WNT9A: variants seen among roughly 807,000 people sequenced by gnomAD.
WNT9A encodes the protein protein Wnt-9a.
Under a neutral mutation model 31.4 loss-of-function variants are expected in WNT9A, and 8 were observed. The observed-to-expected ratio is 0.26, with a 90% confidence interval of 0.15 to 0.46. WNT9A has a LOEUF of 0.46. WNT9A is among the 20% of genes least tolerant of loss of function. The probability of loss-of-function intolerance (pLI) is 0.99; values close to 1 mark genes in which losing one functional copy is unlikely to be tolerated. For missense variants in WNT9A, 457 were observed against 522.9 expected (o/e 0.87, Z 1.23); for synonymous variants, 236 against 220.1 (o/e 1.07, Z -0.64).
rs1666717115 is a variant in WNT9A, at chr1:227,942,038, G to A, written c.95+5755C>T. Among the ~76,000 whole-genome samples the A allele has an allele frequency of 6.6e-6, 1 of 152,038 alleles. No homozygotes were observed. Among genetic ancestry groups the A allele is most frequent in the Non-Finnish European group, 1.5e-5 (1 of 67,988 alleles). ...TTCCTAGGGGAAGAGTCACCCACACGCTTCTTTGATGGCCAAACCCCAGAG... is the reference window on the plus strand; with the variant it reads ...TTCCTAGGGGAAGAGTCACCCACACACTTCTTTGATGGCCAAACCCCAGAG... On this transcript the variant is annotated intron_variant, in intron 1 of 3. Coordinates refer to ENST00000272164, the MANE Select transcript of WNT9A (RefSeq NM_003395.4). This position sits in a 1 kb window ranked among gnomAD's most constrained non-coding sequence, Gnocchi z 5.7.
rs1666255927 is a variant in WNT9A, at chr1:227,918,698, G to A, written c.*2820C>T. On this transcript the variant is annotated 3_prime_UTR_variant, in exon 4 of 4. Transcript: ENST00000272164. ...TTATTTAATGTTTCCATTTGTTTCTGGTTCTGTGACACAAAGCTGTTAAAT... is the reference window on the plus strand; with the variant it reads ...TTATTTAATGTTTCCATTTGTTTCTAGTTCTGTGACACAAAGCTGTTAAAT... The A allele has an allele frequency of 1.3e-5, 2 of 152,232 alleles. No homozygotes were observed. Among genetic ancestry groups the A allele is most frequent in the Admixed American group, 6.5e-5 (1 of 15,276 alleles). The allele number at this position is 152,232 out of a possible 1,614,324, so 9.4% of individuals were successfully genotyped here. A position where few individuals can be genotyped will look rare whatever the true frequency, so the allele number is the denominator to read the frequency against.
rs1202636836 is a variant in WNT9A at position 227,928,602 on chromosome 1, T to TGCA, written c.96-3086_96-3084dup. On this transcript the variant is annotated intron_variant, in intron 1 of 3. Transcript: ENST00000272164. The surrounding 1 kb of genome is among the most constrained non-coding windows in gnomAD (Gnocchi z 4.5). ...TGAAGGGACTCACAGCCTCAGGGGG[T>TGCA]GCAGGTCTGAGGATAAACAGGCAGA... Among the ~76,000 whole-genome samples the TGCA allele has an allele frequency of 6.6e-6, 1 of 151,860 alleles. No homozygotes were observed. The highest frequency in any genetic ancestry group is 2.4e-5 in the African/African-American group (1 of 41,302).
Position 227,920,259 on chromosome 1 carries a change from A to G in WNT9A, c.*1259T>C, listed in dbSNP as rs1666288276. On this transcript the variant is annotated 3_prime_UTR_variant, in exon 4 of 4. Coordinates refer to ENST00000272164, the MANE Select transcript of WNT9A (RefSeq NM_003395.4). ...AGCCCCAAGGGCTGTGGCCAGACGC[A>G]GCTCACTGTATTTCCTTAACTACAC... 6.6e-6 allele frequency: 1 copy of G among 152,204 alleles called. No individual in the cohort carries two copies. Among genetic ancestry groups the G allele is most frequent in the African/African-American group, 2.4e-5 (1 of 41,448 alleles). The allele number at this position is 152,204 out of a possible 1,614,324, so 9.4% of individuals were successfully genotyped here.
At chr1:227,943,028 T>G (rs1159041584) in intron 1 of WNT9A, among the ~76,000 whole-genome samples, 3 of 152,178 alleles carry the variant, frequency 2.0e-5, no homozygotes, top group African/African-American at 7.2e-5. Flanking sequence ...CCAGGCCTGA[T>G]GCACAGAGAG....
chr1:227,945,639 C>A (rs867539865), intron 1 of WNT9A, among the ~76,000 whole-genome samples: 3 of 152,172 alleles, frequency 2.0e-5, no homozygotes, highest in Non-Finnish European at 4.4e-5. Flanking sequence ...GATCCCAGCC[C>A]CTTCTCCCTG....
At chr1:227,946,000 C>T (rs1422207107) in intron 1 of WNT9A, among the ~76,000 whole-genome samples, 2 of 152,244 alleles carry the variant, frequency 1.3e-5, no homozygotes, top group African/African-American at 2.4e-5. Flanking sequence ...AGGCAGCACA[C>T]TTGCCCTCTG....
rs1350806683 is a variant in WNT9A, at chr1:227,942,341, C to G, written c.95+5452G>C. ...GGAGAGGCTGGGGGTTCCAAGGCCC[C>G]TGGGTGCAGAGCAGGAAGGAGGAAG... On this transcript the variant is annotated intron_variant, in intron 1 of 3. Transcript: ENST00000272164. The surrounding 1 kb of genome is among the most constrained non-coding windows in gnomAD (Gnocchi z 5.7). 6.6e-6 allele frequency among the ~76,000 whole-genome samples: 1 copy of G among 152,186 alleles called. No individual in the cohort carries two copies. Among genetic ancestry groups the G allele is most frequent in the African/African-American group, 2.4e-5 (1 of 41,456 alleles).
Position 227,921,105 on chromosome 1 carries a change from C to T in WNT9A, c.*413G>A. On this transcript the variant is annotated 3_prime_UTR_variant, in exon 4 of 4. Transcript: ENST00000272164. Reference sequence around the variant, plus strand: ...GGGACTCGTCCCTTGCAGGTGTAGACCTTCTCACACCATGTGCAATGCCTG... The same window carrying T: ...GGGACTCGTCCCTTGCAGGTGTAGATCTTCTCACACCATGTGCAATGCCTG... The T allele has an allele frequency of 4.8e-6, 1 of 208,750 alleles. No individual in the cohort carries two copies. The highest frequency in any genetic ancestry group is 9.7e-6 in the Non-Finnish European group (1 of 102,848). 12.9% of individuals were successfully genotyped at this position (208,750 alleles called of 1,614,324 possible). A position where few individuals can be genotyped will look rare whatever the true frequency, so the allele number is the denominator to read the frequency against.
intron 1 of WNT9A, among the ~76,000 whole-genome samples, chr1:227,934,179 G>T (rs1198623539): frequency 6.6e-6 from 1 of 150,840 alleles, no homozygotes; most frequent in African/African-American, 2.5e-5. Flanking sequence ...GTGGACATAT[G>T]TTTTCACTTC....
chr1:227,928,122 C>T lies in WNT9A; in HGVS notation c.96-2603G>A, dbSNP rs1411429861. 6.6e-6 allele frequency among the ~76,000 whole-genome samples: 1 copy of T among 152,128 alleles called. No individual in the cohort carries two copies. The highest frequency in any genetic ancestry group is 1.5e-5 in the Non-Finnish European group (1 of 68,016). ...TGGTCAGTGTGAGGCCCGAGCACGC[C>T]GGGGCACTGAGAGCTGGTTTGACGG... On this transcript the variant is annotated intron_variant, in intron 1 of 3. Transcript: ENST00000272164. The surrounding 1 kb of genome is among the most constrained non-coding windows in gnomAD (Gnocchi z 4.5).
intron 1 of WNT9A, among the ~76,000 whole-genome samples, chr1:227,927,138 C>T (rs1427522121): frequency 4.6e-5 from 7 of 152,258 alleles, no homozygotes; most frequent in Admixed American, 1.3e-4. Flanking sequence ...CATGAGCCCT[C>T]GGAGTTGAGC....
intron 3 of WNT9A, among the ~76,000 whole-genome samples, chr1:227,922,285 G>T (rs1666333675): frequency 6.6e-6 from 1 of 152,204 alleles, no homozygotes; most frequent in Non-Finnish European, 1.5e-5. Context: ...GCTCCTGCCT[G>T]ATGTCCACCC....
In WNT9A at chr1:227,925,323, G is replaced by A. The variant is rs769516360; in HGVS notation, c.292C>T (p.Arg98Cys). Residue 98 changes from arginine to cysteine, a missense_variant, in exon 2 of 4, where the codon CGC becomes TGC. Arg to Cys is a radical substitution (Grantham distance 180). Transcript: ENST00000272164. The surrounding 1 kb of genome is among the most constrained non-coding windows in gnomAD (Gnocchi z 6.0). ...AGCGTGCAGTTCCAGCGCTCAAAGC[G>A]GAACTGGAACTGGCACTCGAGCGCA... is the stretch of plus-strand genomic sequence containing the variant. ...MSALECQFQF[R>C]FERWNCTLEG... 22 of 1,607,052 alleles carry A rather than the reference G, an allele frequency of 1.4e-5. No homozygotes were observed. Among genetic ancestry groups the A allele is most frequent in the African/African-American group, 6.7e-5 (5 of 74,754 alleles).
Position 227,921,784 on chromosome 1 carries a change from C to T in WNT9A, c.832G>A (p.Gly278Ser), listed in dbSNP as rs866941818. 1 of 1,612,384 alleles carries T rather than the reference C, an allele frequency of 6.2e-7. No homozygotes were observed. The highest frequency in any genetic ancestry group is 1.7e-5 in the Admixed American group (1 of 59,992). The change falls in exon 4 of 4, where the codon GGT becomes AGT. Residue 278 changes from glycine to serine, a missense_variant. Transcript: ENST00000272164. ...GTGCGGGGCAGCGGGTCGCTGCCAC[C>T]TGCCCCCGAGGCACGGCCCCGTGGT... ...SPPRGRASGAGGSDPLPRTPE... is the reference protein window; with the variant it reads ...SPPRGRASGASGSDPLPRTPE...
At chr1:227,932,441 CAG>C (rs1666528898) in intron 1 of WNT9A, among the ~76,000 whole-genome samples, 1 of 152,176 alleles carries the variant, frequency 6.6e-6, no homozygotes, top group Non-Finnish European at 1.5e-5. Context: ...TGGGATCCCT[CAG>C]AGTCATCCCT....
At chr1:227,946,694 G>T (rs1482204016) in intron 1 of WNT9A, among the ~76,000 whole-genome samples, 2 of 152,276 alleles carry the variant, frequency 1.3e-5, no homozygotes, top group African/African-American at 4.8e-5. Flanking sequence ...TATTTTCTTT[G>T]AGAACAGGAT....
At position 227,921,872 on chromosome 1, in the gene WNT9A, C is replaced by T. The variant is rs1407980763; in HGVS notation, c.744G>A (p.Glu248=). Residue 248 remains glutamate (E), a synonymous_variant, in exon 4 of 4, where the codon GAG becomes GAA. Coordinates refer to ENST00000272164, the MANE Select transcript of WNT9A (RefSeq NM_003395.4). ...TGGTGCTGCCCACCTTGAGTGCCGT[C>T]TCATACTTGTGCTTCAGATGCTTGC... ...EVGKHLKHKY[E]TALKVGSTTN... 1 of 1,613,216 alleles carries T rather than the reference C, an allele frequency of 6.2e-7. No homozygotes were observed. The highest frequency in any genetic ancestry group is 1.3e-5 in the African/African-American group (1 of 75,056).
intron 1 of WNT9A, among the ~76,000 whole-genome samples, chr1:227,941,904 G>T (rs571968604): frequency 6.6e-6 from 1 of 152,098 alleles, no homozygotes; most frequent in Non-Finnish European, 1.5e-5. Flanking sequence ...CGCGACCGAG[G>T]CCTGTCAACA....
At chr1:227,937,505 C>T (rs1327774834) in intron 1 of WNT9A, among the ~76,000 whole-genome samples, 1 of 152,260 alleles carries the variant, frequency 6.6e-6, no homozygotes, top group East Asian at 1.9e-4. Flanking sequence ...AGATAAGGAT[C>T]TCAAGGCAAG....
Sources: gnomAD v4.1 joint callset for allele counts (sites outside exome capture counted in the v4.1 genomes callset) on GRCh38, gnomAD v4.1.1 for gene constraint, Gnocchi (gnomAD v3.1) non-coding constraint, MANE v1.5 for transcripts, NCBI Gene and HGNC (gene_info 2026-07-23, HGNC 2026-07-21) for gene names.